SLC25A21: variants seen among roughly 807,000 people sequenced by gnomAD.
SLC25A21 encodes the protein solute carrier family 25 member 21.
Under a neutral mutation model 43.8 loss-of-function variants are expected in SLC25A21, and 47 were observed. The observed-to-expected ratio is 1.07, with a 90% CI of 0.85 to 1.37. The LOEUF is 1.37. Ranked by LOEUF, SLC25A21 falls within the 40% of genes most tolerant of loss-of-function variation. The probability of loss-of-function intolerance (pLI) is 0.00; values close to 1 mark genes in which losing one functional copy is unlikely to be tolerated. For missense variants in SLC25A21, 352 were observed against 350.2 expected (o/e 1.00, Z -0.04); for synonymous variants, 131 against 121.3 (o/e 1.08, Z -0.52).
In SLC25A21 at chr14:36,770,355, T is replaced by C. The variant is rs577874219; in HGVS notation, c.204-35782A>G. Among the ~76,000 whole-genome samples the C allele has an allele frequency of 1.1e-3, 165 of 152,008 alleles. 1 individual carries two copies. Among genetic ancestry groups the C allele is most frequent in the African/African-American group, 3.7e-3 (154 of 41,462 alleles). On this transcript the variant is annotated intron_variant, in intron 3 of 9. Coordinates refer to ENST00000331299, the MANE Select transcript of SLC25A21 (RefSeq NM_030631.4). Reference sequence around the variant, plus strand: ...GACATAAAGATGGCAACAATAGACATTGGGGACTTCTAGAGGTGGGAGGGA... The same window carrying C: ...GACATAAAGATGGCAACAATAGACACTGGGGACTTCTAGAGGTGGGAGGGA...
intron 1 of SLC25A21, among the ~76,000 whole-genome samples, chr14:36,995,978 T>A (rs896321111): frequency 6.6e-6 from 1 of 152,182 alleles, no homozygotes; most frequent in African/African-American, 2.4e-5. Flanking sequence ...CATTTTAAGA[T>A]GAAAACTGAG....
chr14:37,030,239 A>G (rs1961182533), intron 1 of SLC25A21, among the ~76,000 whole-genome samples: 1 of 152,182 alleles, frequency 6.6e-6, no homozygotes. Context: ...TATCTTCATC[A>G]TCTTTATGTT....
intron 1 of SLC25A21, among the ~76,000 whole-genome samples, chr14:37,152,918 A>G (rs1963783962): frequency 6.6e-6 from 1 of 152,174 alleles, no homozygotes; most frequent in Non-Finnish European, 1.5e-5. Flanking sequence ...CACACTTCAA[A>G]TACGTTATCC....
At chr14:37,127,920 A>C (rs1963325420) in intron 1 of SLC25A21, among the ~76,000 whole-genome samples, 1 of 152,222 alleles carries the variant, frequency 6.6e-6, no homozygotes, top group Non-Finnish European at 1.5e-5. Context: ...CATAAGGACT[A>C]GGAGAAGCCA....
intron 1 of SLC25A21, among the ~76,000 whole-genome samples, chr14:36,965,215 T>C (rs1456856155): frequency 1.3e-5 from 2 of 152,198 alleles, no homozygotes; most frequent in African/African-American, 2.4e-5. Flanking sequence ...AGTAGACTTA[T>C]GCTTTAAGCA....
chr14:36,805,350 G>A (rs1290345225), intron 3 of SLC25A21, among the ~76,000 whole-genome samples: 1 of 152,182 alleles, frequency 6.6e-6, no homozygotes, highest in Non-Finnish European at 1.5e-5. Flanking sequence ...GATGACAGCA[G>A]GGAGATCTAG....
chr14:36,893,593 C>T (rs1891149107), intron 1 of SLC25A21, among the ~76,000 whole-genome samples: 1 of 152,070 alleles, frequency 6.6e-6, no homozygotes, highest in Non-Finnish European at 1.5e-5. Flanking sequence ...GTTGCTTTTG[C>T]TGTTTTAGAC....
At chr14:36,779,472 T>C (rs911244241) in intron 3 of SLC25A21, among the ~76,000 whole-genome samples, 26 of 141,264 alleles carry the variant, frequency 1.8e-4, no homozygotes, top group Admixed American at 1.1e-3. Flanking sequence ...TATATATATA[T>C]ACACATATAT....
intron 1 of SLC25A21, among the ~76,000 whole-genome samples, chr14:37,000,337 C>A (rs1266516242): frequency 2.6e-5 from 4 of 152,140 alleles, no homozygotes; most frequent in Non-Finnish European, 5.9e-5. Flanking sequence ...TTCTCTCACA[C>A]CTGGCTACTG....
At chr14:36,704,656 C>CA (rs758402770) in intron 7 of SLC25A21, among the ~76,000 whole-genome samples, 49,085 of 103,822 alleles carry the variant, frequency 0.47, 9,668 homozygotes, top group East Asian at 0.67. Flanking sequence ...GACTCCGTCT[C>CA]AAAAAAAAAA....
At chr14:36,781,829 A>G (rs943896696) in intron 3 of SLC25A21, among the ~76,000 whole-genome samples, 1 of 152,190 alleles carries the variant, frequency 6.6e-6, no homozygotes, top group Non-Finnish European at 1.5e-5. Flanking sequence ...TACCTTTAGC[A>G]GGGAGTCTTA....
chr14:36,852,074 C>A (rs1422324799), intron 2 of SLC25A21, among the ~76,000 whole-genome samples: 1 of 152,076 alleles, frequency 6.6e-6, no homozygotes, highest in African/African-American at 2.4e-5. Context: ...ATTATTTTTG[C>A]AGTTGTAGTC....
chr14:36,770,846 C>T (rs1886594615), intron 3 of SLC25A21, among the ~76,000 whole-genome samples: 1 of 152,114 alleles, frequency 6.6e-6, no homozygotes, highest in African/African-American at 2.4e-5. Context: ...AACTTGTTGG[C>T]CATATTCTAT....
chr14:36,939,123 A>G lies in SLC25A21; in HGVS notation c.71-64119T>C, dbSNP rs115940737. ...GGAATTTCATATAACAGCTTTACTTAAAAGGCAGGTTTTGTTGCAAAATTT... is the reference window on the plus strand; with the variant it reads ...GGAATTTCATATAACAGCTTTACTTGAAAGGCAGGTTTTGTTGCAAAATTT... On this transcript the variant is annotated intron_variant, in intron 1 of 9. Transcript: ENST00000331299. 3.2e-3 allele frequency among the ~76,000 whole-genome samples: 487 copies of G among 152,288 alleles called. 3 individuals are homozygous for G. Among genetic ancestry groups the G allele is most frequent in the African/African-American group, 0.011 (474 of 41,566 alleles).
At chr14:36,686,742 T>A (rs1882567415) in intron 7 of SLC25A21, among the ~76,000 whole-genome samples, 1 of 152,288 alleles carries the variant, frequency 6.6e-6, no homozygotes, top group Non-Finnish European at 1.5e-5. Context: ...AGGACAAGAA[T>A]GGAAATGATG....
intron 1 of SLC25A21, among the ~76,000 whole-genome samples, chr14:37,151,595 C>T (rs187930302): frequency 1.3e-5 from 2 of 152,312 alleles, no homozygotes; most frequent in Admixed American, 1.3e-4. Context: ...CTTGAAGGGG[C>T]TGCTTACCTG....
intron 1 of SLC25A21, among the ~76,000 whole-genome samples, chr14:37,073,914 G>T (rs1787121636): frequency 6.8e-6 from 1 of 146,076 alleles, no homozygotes; most frequent in Non-Finnish European, 1.5e-5. Flanking sequence ...AATGCTTTCT[G>T]CCTTTCTTCT....
At chr14:36,913,527 C>G (rs1446174052) in intron 1 of SLC25A21, among the ~76,000 whole-genome samples, 1 of 152,174 alleles carries the variant, frequency 6.6e-6, no homozygotes, top group African/African-American at 2.4e-5. Context: ...CTTCCTGCCT[C>G]AGCCTCCCAG....
At chr14:36,877,740 A>G (rs1372202022) in intron 1 of SLC25A21, among the ~76,000 whole-genome samples, 1 of 44,828 alleles carries the variant, frequency 2.2e-5, no homozygotes, top group East Asian at 4.0e-4. Context: ...TGCACAGAAA[A>G]AAGAAGAAAA....
Sources: gnomAD v4.1 joint callset for allele counts (sites outside exome capture counted in the v4.1 genomes callset) on GRCh38, gnomAD v4.1.1 for gene constraint, MANE v1.5 for transcripts, NCBI Gene and HGNC (gene_info 2026-07-23, HGNC 2026-07-21) for gene names.